The following SPRY3 variants were observed in gnomAD, a reference collection of about 807,000 sequenced individuals.
SPRY3 encodes the protein sprouty RTK signaling antagonist 3.
A neutral mutation model predicts 20.2 loss-of-function variants in SPRY3; 15 were observed. That is an observed-to-expected ratio of 0.74 (90% CI 0.50 to 1.14). The LOEUF (loss-of-function observed/expected upper bound fraction) is 1.14. SPRY3 is among the 50% of genes most tolerant of loss of function. The pLI is 0.00. For synonymous variants in SPRY3, 143 were observed against 136.5 expected (o/e 1.05, Z -0.33); for missense variants, 364 against 363.9 (o/e 1.00, Z 0.00).
intron 1 of SPRY3, among the ~76,000 whole-genome samples, chrX:155,617,506 C>G (rs1255721072): frequency 8.9e-6 from 1 of 111,808 alleles, no homozygotes; most frequent in Non-Finnish European, 1.9e-5. Context: ...TGCCTGGTGA[C>G]TATTTTCTGA....
chrX:155,718,015 T>G (rs774752032), intron 2 of SPRY3, among the ~76,000 whole-genome samples: 2 of 152,260 alleles, frequency 1.3e-5, no homozygotes, highest in Non-Finnish European at 2.9e-5. Context: ...ACCATGCTGA[T>G]TGAGCTGAAT....
chrX:155,627,738 G>T (rs1557350087), intron 1 of SPRY3, among the ~76,000 whole-genome samples: 1 of 109,837 alleles, frequency 9.1e-6, no homozygotes, highest in Non-Finnish European at 1.9e-5. Flanking sequence ...TGCCATGGTG[G>T]TTTGCTGCAC....
intron 2 of SPRY3, among the ~76,000 whole-genome samples, chrX:155,766,325 GAA>G (rs1239473159): frequency 6.6e-6 from 1 of 152,122 alleles, no homozygotes; most frequent in African/African-American, 2.4e-5. Flanking sequence ...GTCAGAGGTA[GAA>G]AGGACGTTAG....
intron 2 of SPRY3, among the ~76,000 whole-genome samples, chrX:155,741,836 C>A (rs2124573832): frequency 6.6e-6 from 1 of 152,254 alleles, no homozygotes; most frequent in East Asian, 1.9e-4. Flanking sequence ...GCAAGAGCTC[C>A]TGAAGGAAGC....
intron 1 of SPRY3, among the ~76,000 whole-genome samples, chrX:155,620,586 C>T (rs2067868079): frequency 9.0e-6 from 1 of 111,719 alleles, no homozygotes; most frequent in Non-Finnish European, 1.9e-5. Flanking sequence ...CAAAAGAATA[C>T]ATACTGTATG....
chrX:155,636,017 A>T (rs782425706), intron 1 of SPRY3, among the ~76,000 whole-genome samples: 1 of 112,453 alleles, frequency 8.9e-6, no homozygotes, highest in Non-Finnish European at 1.9e-5. Flanking sequence ...TGGCTCCTCA[A>T]TAACTCACTT....
At chrX:155,642,500 ATTTCT>A (rs1353104594) in intron 1 of SPRY3, among the ~76,000 whole-genome samples, 5 of 109,107 alleles carry the variant, frequency 4.6e-5, no homozygotes, top group Non-Finnish European at 9.6e-5. Flanking sequence ...CATTTTTATT[ATTTCT>A]TTTCTTCTAC....
In SPRY3 at chrX:155,767,416, A is replaced by G. The variant is rs1414056117; in HGVS notation, c.-281-546A>G. Among the ~76,000 whole-genome samples, 5 of 152,030 alleles carry G rather than the reference A, an allele frequency of 3.3e-5. No individual in the cohort carries two copies. In the East Asian group the frequency reaches 5.8e-4, roughly 18 times the overall value. ...ATTATATACCAACACACCCTGAGCC[A>G]TATAAATAATCACACACTGGCGGTA... On this transcript the variant is annotated intron_variant, in intron 2 of 3. Coordinates refer to ENST00000675360, the Ensembl canonical transcript of SPRY3.
chrX:155,746,332 A>G (rs1479512806), intron 2 of SPRY3, among the ~76,000 whole-genome samples: 1 of 152,016 alleles, frequency 6.6e-6, no homozygotes, highest in Non-Finnish European at 1.5e-5. Flanking sequence ...ATTTTTTCCT[A>G]TTTCTTTGAT....
exon 4 of SPRY3, chrX:155,775,593 G>C (rs918701555): frequency 1.8e-5 from 3 of 167,084 alleles, no homozygotes; most frequent in African/African-American, 7.2e-5. Flanking sequence ...TCACCTGTTC[G>C]TGAGCGCATG....
intron 2 of SPRY3, among the ~76,000 whole-genome samples, chrX:155,716,329 G>A (rs1045820724): frequency 1.3e-5 from 2 of 151,930 alleles, no homozygotes; most frequent in East Asian, 1.9e-4. Flanking sequence ...TGTTCTTTAT[G>A]TTTTATTTCC....
chrX:155,679,053 G>T (rs1335782191), intron 2 of SPRY3, among the ~76,000 whole-genome samples: 2 of 110,815 alleles, frequency 1.8e-5, no homozygotes, highest in African/African-American at 3.3e-5. Context: ...GTAGGGGCGT[G>T]GGGGGCTGGG....
At chrX:155,642,615 C>T (rs892029553) in intron 1 of SPRY3, among the ~76,000 whole-genome samples, 2 of 111,306 alleles carry the variant, frequency 1.8e-5, no homozygotes, top group Non-Finnish European at 3.8e-5. Context: ...GCACTTATAG[C>T]TATAAACTTC....
intron 2 of SPRY3, among the ~76,000 whole-genome samples, chrX:155,662,491 T>G (rs1443922414): frequency 9.1e-6 from 1 of 109,932 alleles, no homozygotes; most frequent in Admixed American, 9.8e-5. Flanking sequence ...GGCATTGTAT[T>G]GGGTTGTGCA....
At chrX:155,748,314 C>T (rs1199931266) in intron 2 of SPRY3, among the ~76,000 whole-genome samples, 1 of 151,746 alleles carries the variant, frequency 6.6e-6, no homozygotes, top group African/African-American at 2.4e-5. Context: ...GAAATCTTGG[C>T]TAATCATATG....
At chrX:155,695,516 T>C (rs1162325321) in intron 2 of SPRY3, among the ~76,000 whole-genome samples, 3 of 110,984 alleles carry the variant, frequency 2.7e-5, no homozygotes, top group African/African-American at 9.8e-5. Context: ...TACATCAAAT[T>C]TGGAAAATTT....
chrX:155,686,613 T>C (rs2124570895), intron 2 of SPRY3, among the ~76,000 whole-genome samples: 1 of 111,616 alleles, frequency 9.0e-6, no homozygotes, highest in East Asian at 2.8e-4. Context: ...TCCAAGTTCC[T>C]CTCTCTGTTA....
At chrX:155,776,679 T>C (rs1308423003) in exon 4 of SPRY3, 2 of 167,066 alleles carry the variant, frequency 1.2e-5, no homozygotes, top group Non-Finnish European at 1.5e-5. Context: ...TTATAGATCA[T>C]CTCTTCTAGA....
chrX:155,636,021 C>T (rs2067922206), intron 1 of SPRY3, among the ~76,000 whole-genome samples: 1 of 112,309 alleles, frequency 8.9e-6, no homozygotes, highest in Admixed American at 9.4e-5. Flanking sequence ...TCCTCAATAA[C>T]TCACTTAAAG....
Sources: gnomAD v4.1 joint callset for allele counts (sites outside exome capture counted in the v4.1 genomes callset) on GRCh38, gnomAD v4.1.1 for gene constraint, MANE v1.5 for transcripts, NCBI Gene and HGNC (gene_info 2026-07-23, HGNC 2026-07-21) for gene names.